Variants in TTC7B observed in about 807,000 individuals in gnomAD.
TTC7B encodes the protein tetratricopeptide repeat domain 7B, also known as tetratricopeptide repeat protein 7B.
Under a neutral mutation model 106.8 loss-of-function variants are expected in TTC7B, and 28 were observed. That is an observed-to-expected ratio of 0.26 (90% CI 0.19 to 0.36). TTC7B has a LOEUF of 0.36. Among genes scored for constraint, TTC7B ranks in the 10% least tolerant of loss-of-function variants. The pLI, the probability that TTC7B is intolerant of heterozygous loss-of-function variation, is 1.00. For synonymous variants in TTC7B, 405 were observed against 430.6 expected (o/e 0.94, Z 0.74); for missense variants, 862 against 1,076.4 (o/e 0.80, Z 2.79).
chr14:90,693,673 C>A (rs1406642514), intron 6 of TTC7B, among the ~76,000 whole-genome samples: 1 of 152,210 alleles, frequency 6.6e-6, no homozygotes, highest in East Asian at 1.9e-4. Flanking sequence ...TATCACCACA[C>A]TCCCACCAGG....
intron 6 of TTC7B, among the ~76,000 whole-genome samples, chr14:90,695,059 TTTTATTATAAA>T (rs1887669641): frequency 9.7e-6 from 1 of 102,796 alleles, no homozygotes; most frequent in African/African-American, 3.5e-5. Flanking sequence ...ATATATTTTA[TTTTATTATAAA>T]ATATATTTTA....
chr14:90,770,909 T>C (rs564654618), intron 3 of TTC7B, among the ~76,000 whole-genome samples: 1 of 152,248 alleles, frequency 6.6e-6, no homozygotes, highest in African/African-American at 2.4e-5. Context: ...GGATGAACCT[T>C]GAGGACATTA....
At chr14:90,579,209 A>T (rs1457520132) in intron 18 of TTC7B, among the ~76,000 whole-genome samples, 1 of 152,134 alleles carries the variant, frequency 6.6e-6, no homozygotes, top group Non-Finnish European at 1.5e-5. Flanking sequence ...GGCTTCAGGG[A>T]CATCTGAATC....
At chr14:90,806,810 G>A (rs1013837270) in intron 1 of TTC7B, among the ~76,000 whole-genome samples, 5 of 152,104 alleles carry the variant, frequency 3.3e-5, no homozygotes, top group South Asian at 2.1e-4. Context: ...GGGAGGCTGC[G>A]GTGGGAGGAT....
At chr14:90,611,386 T>C (rs557546872) in intron 16 of TTC7B, among the ~76,000 whole-genome samples, 1 of 152,330 alleles carries the variant, frequency 6.6e-6, no homozygotes, top group South Asian at 2.1e-4. Context: ...GCTCCTCAGA[T>C]GGTTCTAAGG....
intron 19 of TTC7B, among the ~76,000 whole-genome samples, chr14:90,572,372 A>G (rs1891068214): frequency 6.6e-6 from 1 of 152,224 alleles, no homozygotes; most frequent in Admixed American, 6.5e-5. Flanking sequence ...ATGTAGTCAT[A>G]ATCCATAAGA....
At chr14:90,756,316 G>T (rs1224685156) in intron 3 of TTC7B, among the ~76,000 whole-genome samples, 1 of 151,126 alleles carries the variant, frequency 6.6e-6, no homozygotes, top group Non-Finnish European at 1.5e-5. Flanking sequence ...AAATCTCTTT[G>T]TCCTTGAGAA....
Position 90,657,451 on chromosome 14 carries a change from G to A in TTC7B, c.1237-173C>T, listed in dbSNP as rs1885998214. The A allele has an allele frequency of 1.7e-6, 1 of 578,816 alleles. No homozygotes were observed. The highest frequency in any genetic ancestry group is 3.1e-6 in the Non-Finnish European group (1 of 327,536). 35.9% of individuals were successfully genotyped at this position (578,816 alleles called of 1,614,324 possible). ...GAAAACCAGAGCCTGCGGCTTCTGA[G>A]TGACTGGGGAGTACACTGGGTTAAA... On this transcript the variant is annotated intron_variant, in intron 10 of 19. Transcript: ENST00000328459. The surrounding 1 kb of genome is among the most constrained non-coding windows in gnomAD (Gnocchi z 4.2).
At chr14:90,728,613 A>G (rs1889205162) in intron 5 of TTC7B, among the ~76,000 whole-genome samples, 1 of 152,244 alleles carries the variant, frequency 6.6e-6, no homozygotes, top group Non-Finnish European at 1.5e-5. Context: ...GTGGGCAGCC[A>G]GTGTCTCAGG....
At position 90,578,260 on chromosome 14, in the gene TTC7B, G is replaced by A; in HGVS notation, c.2156C>T (p.Thr719Ile). The A allele has an allele frequency of 6.2e-7, 1 of 1,614,206 alleles. No homozygotes were observed. Among genetic ancestry groups the A allele is most frequent in the South Asian group, 1.1e-5 (1 of 91,066 alleles). The stretch of plus-strand genomic sequence containing the variant: ...TGGGAAGAGGTTGGCAGCTTCTTGG[G>A]TACAGGCTGTGGCTTCTGCAGGCTT... Reference protein sequence around the residue: ...IGKPAEATACTQEAANLFPMS... With the variant: ...IGKPAEATACIQEAANLFPMS... The change falls in exon 19 of 20, where the codon ACC (threonine) becomes ATC (isoleucine). Residue 719 changes from threonine (T) to isoleucine (I), a missense_variant. Transcript: ENST00000328459. The surrounding 1 kb of genome is among the most constrained non-coding windows in gnomAD (Gnocchi z 4.7).
intron 5 of TTC7B, among the ~76,000 whole-genome samples, chr14:90,695,871 C>T (rs1887725862): frequency 6.6e-6 from 1 of 152,202 alleles, no homozygotes; most frequent in African/African-American, 2.4e-5. Context: ...TGTGTTCAAA[C>T]TCTCAATGGC....
At chr14:90,780,249 C>T (rs1379928126) in intron 3 of TTC7B, among the ~76,000 whole-genome samples, 3 of 151,884 alleles carry the variant, frequency 2.0e-5, no homozygotes, top group Admixed American at 6.6e-5. Flanking sequence ...GGTGTGGTGG[C>T]GCATGCCTGT....
intron 19 of TTC7B, among the ~76,000 whole-genome samples, chr14:90,546,245 C>T (rs1889825581): frequency 1.3e-5 from 2 of 152,240 alleles, no homozygotes; most frequent in Non-Finnish European, 2.9e-5. Flanking sequence ...ACCACCCAAG[C>T]CCCACAGTGC....
At chr14:90,633,490 A>G (rs1884791401) in intron 15 of TTC7B, among the ~76,000 whole-genome samples, 1 of 152,240 alleles carries the variant, frequency 6.6e-6, no homozygotes, top group Non-Finnish European at 1.5e-5. Context: ...ATCCCACCAT[A>G]AAAGTATGAT....
chr14:90,657,640 A>T lies in TTC7B; in HGVS notation c.1237-362T>A, dbSNP rs1886004911. Among the ~76,000 whole-genome samples, 2 of 152,236 alleles carry T rather than the reference A, an allele frequency of 1.3e-5. No homozygotes were observed. The highest frequency in any genetic ancestry group is 2.9e-5 in the Non-Finnish European group (2 of 68,036). ...TGAATTTCTGAATTCACTTAGCTCAAATAATCTTCCATCTCAGGCTTCATT... is the reference window on the plus strand; with the variant it reads ...TGAATTTCTGAATTCACTTAGCTCATATAATCTTCCATCTCAGGCTTCATT... On this transcript the variant is annotated intron_variant, in intron 10 of 19. Coordinates refer to ENST00000328459, the MANE Select transcript of TTC7B (RefSeq NM_001010854.2). The surrounding 1 kb of genome is among the most constrained non-coding windows in gnomAD (Gnocchi z 4.2).
intron 13 of TTC7B, among the ~76,000 whole-genome samples, chr14:90,649,614 C>T (rs879371914): frequency 3.9e-5 from 6 of 152,172 alleles, no homozygotes; most frequent in African/African-American, 9.6e-5. Context: ...AATGTCACCA[C>T]AAGGATGCTC....
intron 5 of TTC7B, among the ~76,000 whole-genome samples, chr14:90,705,577 A>G (rs960927236): frequency 6.6e-6 from 1 of 152,158 alleles, no homozygotes; most frequent in Non-Finnish European, 1.5e-5. Flanking sequence ...TAAAATATAG[A>G]TACCGAAAGC....
intron 5 of TTC7B, among the ~76,000 whole-genome samples, chr14:90,716,236 AC>A (rs1208606352): frequency 6.6e-6 from 1 of 152,214 alleles, no homozygotes; most frequent in Non-Finnish European, 1.5e-5. Context: ...AACCGATCTA[AC>A]AGGATTCTTG....
intron 17 of TTC7B, among the ~76,000 whole-genome samples, chr14:90,598,663 G>C (rs914946079): frequency 6.6e-6 from 1 of 152,218 alleles, no homozygotes; most frequent in African/African-American, 2.4e-5. Flanking sequence ...AACCCTGCCT[G>C]CCCCAAGTAG....
Sources: allele counts gnomAD v4.1 joint callset (sites outside exome capture counted in the v4.1 genomes callset), GRCh38; gene constraint gnomAD v4.1.1; non-coding constraint Gnocchi (gnomAD v3.1); transcripts MANE v1.5; gene names NCBI Gene and HGNC (gene_info 2026-07-23, HGNC 2026-07-21).